The following SCN3A variants were observed in gnomAD, a reference collection of about 807,000 sequenced individuals.
The protein encoded by SCN3A is sodium voltage-gated channel alpha subunit 3.
A neutral mutation model predicts 187.6 loss-of-function variants in SCN3A; 60 were observed. That is an observed-to-expected ratio of 0.32 (90% CI 0.26 to 0.40). The LOEUF (loss-of-function observed/expected upper bound fraction) is 0.40. Ranked by LOEUF, SCN3A falls within the 10% of genes least tolerant of loss-of-function variation. SCN3A has a pLI of 1.00. For synonymous variants in SCN3A, 788 were observed against 829.2 expected, an observed-to-expected ratio of 0.95 and a Z score of 0.85; for missense variants, 1,601 against 2,428.2, an observed-to-expected ratio of 0.66 and a Z score of 7.16.
At chr2:165,108,738 A>G (rs1397611620) in intron 21 of SCN3A, among the ~76,000 whole-genome samples, 6 of 152,210 alleles carry the variant, frequency 3.9e-5, no homozygotes, top group Non-Finnish European at 7.4e-5. Flanking sequence ...CAGCATCTAT[A>G]GTATAGTTTG....
At chr2:165,106,199 A>G (rs1446815835) in intron 21 of SCN3A, among the ~76,000 whole-genome samples, 3 of 152,182 alleles carry the variant, frequency 2.0e-5, no homozygotes, top group Admixed American at 6.5e-5. Context: ...TAAACATTCC[A>G]AACACTATGT....
chr2:165,096,956 G>A (rs2105646619), intron 23 of SCN3A, among the ~76,000 whole-genome samples: 1 of 151,672 alleles, frequency 6.6e-6, no homozygotes. Context: ...TTGCTCCTTT[G>A]GCAATAATTG....
At position 165,138,026 on chromosome 2, in the gene SCN3A, T is replaced by G; in HGVS notation, c.2244A>C (p.Lys748Asn). Reference sequence around the variant, plus strand: ...CAATTAAATTCACAAGATGTTTTACTTTTAACCATGCATCACAGCAGTCCC... The same window carrying G: ...CAATTAAATTCACAAGATGTTTTACGTTTAACCATGCATCACAGCAGTCCC... ...LIWDCCDAWL[K>N]VKHLVNLIVM... Residue 748 changes from lysine (K) to asparagine (N), a missense_variant, in exon 15 of 28, where the codon AAA (lysine) becomes AAC (asparagine). Lys to Asn is a moderately conservative substitution (Grantham distance 94, BLOSUM62 0). Transcript: ENST00000283254. 6.2e-7 allele frequency: 1 copy of G among 1,613,664 alleles called. No homozygotes were observed. Among genetic ancestry groups the G allele is most frequent in the Non-Finnish European group, 8.5e-7 (1 of 1,179,652 alleles).
In SCN3A at chr2:165,146,990, C is replaced by T; in HGVS notation, c.1420G>A (p.Gly474Arg). Reference sequence around the variant, plus strand: ...AACAGCTCTCCTAACCCACCTATTCCACTGAAATCTCTTGAAGCAGCTGAT... The same window carrying T: ...AACAGCTCTCCTAACCCACCTATTCTACTGAAATCTCTTGAAGCAGCTGAT... ...AASAASRDFS[G>R]IGGLGELLES... Residue 474 changes from glycine to arginine, a missense_variant, in exon 12 of 28, where the codon GGA (glycine) becomes AGA (arginine). Gly to Arg is a moderately radical substitution (Grantham distance 125, BLOSUM62 -2). Coordinates refer to ENST00000283254, the MANE Select transcript of SCN3A (RefSeq NM_006922.4). The T allele has an allele frequency of 6.2e-7, 1 of 1,614,018 alleles. No homozygotes were observed. Among genetic ancestry groups the T allele is most frequent in the Non-Finnish European group, 8.5e-7 (1 of 1,179,942 alleles).
chr2:165,141,044 A>G (rs1170965581), intron 12 of SCN3A, 46 bp from the exon 13 acceptor site: 1 of 1,250,172 alleles, frequency 8.0e-7, no homozygotes, highest in South Asian at 1.3e-5. Context: ...GGGTAGGGGA[A>G]GAACGCAATT....
intron 2 of SCN3A, among the ~76,000 whole-genome samples, chr2:165,183,233 G>T (rs1038831440): frequency 1.3e-5 from 2 of 152,178 alleles, no homozygotes; most frequent in African/African-American, 4.8e-5. Context: ...CCAACTCTCT[G>T]CCTGTAAAAT....
chr2:165,192,998 A>G (rs1440263738), intron 1 of SCN3A, among the ~76,000 whole-genome samples: 2 of 152,186 alleles, frequency 1.3e-5, no homozygotes, highest in East Asian at 1.9e-4. Flanking sequence ...GATATTTAGG[A>G]CATATCATCT....
At chr2:165,158,093 A>G (rs1215052097) in intron 9 of SCN3A, among the ~76,000 whole-genome samples, 1 of 152,158 alleles carries the variant, frequency 6.6e-6, no homozygotes, top group African/African-American at 2.4e-5. Flanking sequence ...GTTTGTTGCT[A>G]CTGGGGTGTC....
intron 21 of SCN3A, 69 bp downstream of exon 21, chr2:165,112,816 A>C: frequency 7.4e-7 from 1 of 1,359,794 alleles, no homozygotes; most frequent in Non-Finnish European, 1.0e-6. Context: ...TTTTAATAAC[A>C]GAAACATATG....
intron 24 of SCN3A, 57 bp from the exon 25 acceptor site, chr2:165,095,705 A>C (rs1685333247): frequency 2.0e-6 from 2 of 1,012,108 alleles, no homozygotes; most frequent in Admixed American, 3.8e-5. Context: ...ACTTACACTA[A>C]ATCAGTAATT....
At chr2:165,151,696 A>G (rs1317982547) in intron 11 of SCN3A, among the ~76,000 whole-genome samples, 1 of 152,188 alleles carries the variant, frequency 6.6e-6, no homozygotes, top group Non-Finnish European at 1.5e-5. Context: ...GGGTGGTTGT[A>G]TAGTTCACAA....
intron 17 of SCN3A, 125 bp downstream of exon 17, chr2:165,129,815 C>T: frequency 8.4e-7 from 1 of 1,186,924 alleles, no homozygotes; most frequent in Non-Finnish European, 1.3e-6. Context: ...TCTCTGAGTG[C>T]TAATAGGGGG....
rs777640825 is a variant in SCN3A, at chr2:165,090,989, C to CTT, written c.5163_5164insAA (p.Ala1722LysfsTer43). The CTT allele has an allele frequency of 6.2e-7, 1 of 1,613,976 alleles. No individual in the cohort carries two copies. Among genetic ancestry groups the CTT allele is most frequent in the African/African-American group, 1.3e-5 (1 of 74,894 alleles). On this transcript the variant is annotated frameshift_variant, in exon 28 of 28. Coordinates refer to ENST00000283254, the MANE Select transcript of SCN3A (RefSeq NM_006922.4). LOFTEE classifies it high-confidence loss of function. The surrounding 1 kb of genome is among the most constrained non-coding windows in gnomAD (Gnocchi z 4.0). ...GTGTCAGGGTCACAGTCGGGTGGTG[C>CTT]ACTATTAAGAATAGGTGCTAGCAAT...
chr2:165,154,766 C>G lies in SCN3A; in HGVS notation c.1174-108G>C, dbSNP rs530176634. 1.3e-5 allele frequency: 14 copies of G among 1,110,768 alleles called. No homozygotes were observed. The East Asian group carries it at 3.3e-4, about 26-fold the overall frequency. The allele number at this position is 1,110,768 out of a possible 1,614,324, so 68.8% of individuals were successfully genotyped here. On this transcript the variant is annotated intron_variant, in intron 10 of 27. Transcript: ENST00000283254. ...AGTAGACTAATTAGCTTTTTAGTAT[C>G]CAGTTTATTTTCACCAAGAATTTTT...
intron 1 of SCN3A, among the ~76,000 whole-genome samples, chr2:165,192,020 T>A (rs1272256238): frequency 6.6e-6 from 1 of 152,064 alleles, no homozygotes; most frequent in Admixed American, 6.6e-5. Flanking sequence ...AATAGCAATG[T>A]CTAGAAAAAA....
intron 18 of SCN3A, among the ~76,000 whole-genome samples, chr2:165,119,041 C>T (rs369667731): frequency 2.7e-5 from 4 of 147,382 alleles, no homozygotes; most frequent in South Asian, 4.4e-4. Flanking sequence ...GGATTACAGG[C>T]GTGAGCCACC....
chr2:165,129,247 A>C lies in SCN3A; in HGVS notation c.2922+693T>G, dbSNP rs1166047431. Among the ~76,000 whole-genome samples, 3 of 152,244 alleles carry C rather than the reference A, an allele frequency of 2.0e-5. No individual in the cohort carries two copies. In the East Asian group the frequency reaches 5.8e-4, roughly 29 times the overall value. The stretch of plus-strand genomic sequence containing the variant: ...AGAAATTTAAGCATTAAACATATAA[A>C]TATATAAACTATGCTTTTGCATTAG... On this transcript the variant is annotated intron_variant, in intron 17 of 27. Coordinates refer to ENST00000283254, the MANE Select transcript of SCN3A (RefSeq NM_006922.4).
At chr2:165,103,307 C>A (rs1317915689) in intron 21 of SCN3A, among the ~76,000 whole-genome samples, 1 of 152,132 alleles carries the variant, frequency 6.6e-6, no homozygotes, top group Non-Finnish European at 1.5e-5. Context: ...AGTGAAATGA[C>A]CACTCCAAGG....
intron 22 of SCN3A, among the ~76,000 whole-genome samples, chr2:165,099,568 A>C (rs1225387547): frequency 6.6e-6 from 1 of 152,106 alleles, no homozygotes; most frequent in Non-Finnish European, 1.5e-5. Context: ...AATACAAAAA[A>C]TTAGCGGGCG....
Sources: allele counts gnomAD v4.1 joint callset (sites outside exome capture counted in the v4.1 genomes callset), GRCh38; gene constraint gnomAD v4.1.1; non-coding constraint Gnocchi (gnomAD v3.1); transcripts MANE v1.5; gene names NCBI Gene and HGNC (gene_info 2026-07-23, HGNC 2026-07-21).